The following RNF220 variants were observed in gnomAD, a reference collection of about 807,000 sequenced individuals.
The protein encoded by RNF220 is E3 ubiquitin-protein ligase RNF220.
Under a neutral mutation model 67.1 loss-of-function variants are expected in RNF220, and 7 were observed. The ratio of observed to expected loss-of-function variants is 0.10; its 90% CI spans 0.06 to 0.20. The LOEUF (loss-of-function observed/expected upper bound fraction) is 0.20, where lower values mean the gene tolerates loss of function less well. Ranked by LOEUF, RNF220 falls within the 10% of genes least tolerant of loss-of-function variation. The pLI, the probability that RNF220 is intolerant of heterozygous loss-of-function variation, is 1.00. For synonymous variants in RNF220, 270 were observed against 283.2 expected (o/e 0.95, Z 0.47); for missense variants, 565 against 740.3 (o/e 0.76, Z 2.75).
chr1:44,414,109 C>A (rs1248772288), intron 2 of RNF220, among the ~76,000 whole-genome samples: 1 of 152,348 alleles, frequency 6.6e-6, no homozygotes, highest in Non-Finnish European at 1.5e-5. Context: ...GCTAGTGTTG[C>A]CCTCTCACTT....
At chr1:44,578,158 T>C (rs1259356314) in intron 2 of RNF220, among the ~76,000 whole-genome samples, 2 of 147,110 alleles carry the variant, frequency 1.4e-5, no homozygotes, top group Non-Finnish European at 3.0e-5. Flanking sequence ...TTTTTTTTTT[T>C]TTTTTGTTGA....
intron 4 of RNF220, 87 bp from the exon 5 acceptor site, chr1:44,626,210 C>T: frequency 2.0e-6 from 2 of 979,472 alleles, no homozygotes; most frequent in Non-Finnish European, 3.2e-6. Flanking sequence ...TTGCCTGGCT[C>T]CCCAAAGCAC....
chr1:44,420,297 CAGT>C lies in RNF220; in HGVS notation c.625+7577_625+7579del, dbSNP rs558988789. On this transcript the variant is annotated intron_variant, in intron 2 of 14. Transcript: ENST00000361799. Reference sequence around the variant, plus strand: ...GTACAGTCTTATGAGAAATCCAGCCCAGTAAGTTTGAGTGTGACTTACCAGGCA... The same window carrying C: ...GTACAGTCTTATGAGAAATCCAGCCCAAGTTTGAGTGTGACTTACCAGGCA... 5.7e-4 allele frequency among the ~76,000 whole-genome samples: 87 copies of C among 152,320 alleles called. 1 individual carries two copies. The highest frequency in any genetic ancestry group is 2.1e-3 in the African/African-American group (87 of 41,576).
At position 44,650,635 on chromosome 1, in the gene RNF220, G is replaced by T; in HGVS notation, c.1630-69G>T. ...ACTGGTGCAGAGAGACATGGCTGCAGGCCCAGGTGCTCACATGCGCACACA... is the reference window on the plus strand; with the variant it reads ...ACTGGTGCAGAGAGACATGGCTGCATGCCCAGGTGCTCACATGCGCACACA... On this transcript the variant is annotated intron_variant, in intron 14 of 14. Coordinates refer to ENST00000361799, the MANE Select transcript of RNF220 (RefSeq NM_018150.4). This position sits in a 1 kb window ranked among gnomAD's most constrained non-coding sequence, Gnocchi z 4.3. 7.2e-6 allele frequency: 11 copies of T among 1,529,938 alleles called. No homozygotes were observed. Among genetic ancestry groups the T allele is most frequent in the Non-Finnish European group, 9.9e-6 (11 of 1,105,636 alleles). The allele number at this position is 1,529,938 out of a possible 1,614,324, so 94.8% of individuals were successfully genotyped here. A position where few individuals can be genotyped will look rare whatever the true frequency, so the allele number is the denominator to read the frequency against.
intron 2 of RNF220, chr1:44,573,027 G>A (rs1343320513): frequency 1.5e-5 from 6 of 390,160 alleles, no homozygotes; most frequent in Non-Finnish European, 2.1e-5. Context: ...GAGAACTGAA[G>A]AGAAAGACAG....
At chr1:44,409,501 ATTGATCCCT>A (rs1647756889) in intron 1 of RNF220, among the ~76,000 whole-genome samples, 1 of 152,184 alleles carries the variant, frequency 6.6e-6, no homozygotes, top group Non-Finnish European at 1.5e-5. Context: ...ATTACTTCCT[ATTGATCCCT>A]TTGCAAAGTG....
intron 2 of RNF220, among the ~76,000 whole-genome samples, chr1:44,529,437 C>T (rs938575595): frequency 3.3e-5 from 5 of 152,066 alleles, no homozygotes; most frequent in Non-Finnish European, 7.4e-5. Context: ...TGCAGTGGCA[C>T]GATCCTGGCT....
intron 2 of RNF220, among the ~76,000 whole-genome samples, chr1:44,495,155 A>G (rs1451156733): frequency 6.6e-6 from 1 of 152,052 alleles, no homozygotes; most frequent in Admixed American, 6.6e-5. Flanking sequence ...TGAGGCTGCA[A>G]TGAGCCATGA....
intron 5 of RNF220, chr1:44,631,830 G>A (rs1644133925): frequency 3.4e-6 from 3 of 871,092 alleles, no homozygotes; most frequent in Non-Finnish European, 2.8e-6. Context: ...GGCTTCACGG[G>A]CGGTGGGAGG....
At chr1:44,490,298 G>C (rs554807277) in intron 2 of RNF220, among the ~76,000 whole-genome samples, 2 of 151,416 alleles carry the variant, frequency 1.3e-5, no homozygotes, top group Non-Finnish European at 2.9e-5. Context: ...ATGAAACCCC[G>C]TCTCTAGTAA....
At chr1:44,635,997 G>A in intron 7 of RNF220, 33 bp from the exon 8 acceptor site, 1 of 1,614,020 alleles carries the variant, frequency 6.2e-7, no homozygotes, top group Non-Finnish European at 8.5e-7. Context: ...GGGATGGCCT[G>A]GGCCCAGCAT....
At chr1:44,519,386 C>T (rs1031183125) in intron 2 of RNF220, among the ~76,000 whole-genome samples, 1 of 152,198 alleles carries the variant, frequency 6.6e-6, no homozygotes, top group Non-Finnish European at 1.5e-5. Flanking sequence ...CAGAGTGGCT[C>T]ATGCCATTAT....
At chr1:44,439,522 G>C (rs1198865336) in intron 2 of RNF220, among the ~76,000 whole-genome samples, 1 of 151,430 alleles carries the variant, frequency 6.6e-6, no homozygotes, top group South Asian at 2.1e-4. Context: ...TGTTGTTGTT[G>C]TTATTTGTTT....
chr1:44,494,306 G>A (rs1286180981), intron 2 of RNF220, among the ~76,000 whole-genome samples: 1 of 152,050 alleles, frequency 6.6e-6, no homozygotes, highest in East Asian at 1.9e-4. Context: ...ACATTACGGG[G>A]CTAGACAATC....
intron 2 of RNF220, among the ~76,000 whole-genome samples, chr1:44,555,710 C>G (rs7539479): frequency 0.27 from 39,765 of 147,948 alleles, 6,495 homozygotes; most frequent in Non-Finnish European, 0.36. Flanking sequence ...CTCCTGACCT[C>G]ATGATTCGCC....
intron 3 of RNF220, among the ~76,000 whole-genome samples, chr1:44,620,275 A>C (rs1247660494): frequency 1.3e-5 from 2 of 152,224 alleles, no homozygotes; most frequent in South Asian, 2.1e-4. Flanking sequence ...GATTTTGTGA[A>C]GTTTCAATGA....
chr1:44,508,812 G>C (rs940249375), intron 2 of RNF220, among the ~76,000 whole-genome samples: 1 of 152,200 alleles, frequency 6.6e-6, no homozygotes, highest in Non-Finnish European at 1.5e-5. Flanking sequence ...CATAATGACT[G>C]TTTGTACCTG....
chr1:44,471,542 G>A (rs1461932388), intron 2 of RNF220, among the ~76,000 whole-genome samples: 1 of 151,848 alleles, frequency 6.6e-6, no homozygotes, highest in Non-Finnish European at 1.5e-5. Flanking sequence ...GACTCATACT[G>A]GCCAGGCACA....
At chr1:44,498,426 C>T (rs1358302254) in intron 2 of RNF220, among the ~76,000 whole-genome samples, 1 of 152,112 alleles carries the variant, frequency 6.6e-6, no homozygotes, top group East Asian at 1.9e-4. Context: ...GCTCTGTATA[C>T]CCCATTATCT....
Sources: allele counts gnomAD v4.1 joint callset (sites outside exome capture counted in the v4.1 genomes callset), GRCh38; gene constraint gnomAD v4.1.1; non-coding constraint Gnocchi (gnomAD v3.1); transcripts MANE v1.5; gene names NCBI Gene and HGNC (gene_info 2026-07-23, HGNC 2026-07-21).